The following TMEM161B variants were observed in gnomAD, a reference collection of about 807,000 sequenced individuals.
TMEM161B encodes transmembrane protein 161B.
A neutral mutation model predicts 61.8 loss-of-function variants in TMEM161B; 34 were observed. The observed-to-expected ratio is 0.55, with a 90% confidence interval of 0.42 to 0.73. TMEM161B has a LOEUF of 0.73. Ranked by LOEUF, TMEM161B falls within the 30% of genes least tolerant of loss-of-function variation. The pLI is 0.00. For synonymous variants in TMEM161B, 167 were observed against 192.8 expected (o/e 0.87, Z 1.11); for missense variants, 456 against 558.5 (o/e 0.82, Z 1.85).
chr5:88,192,014 A>ATATATATATG (rs1561287431), downstream of TMEM161B, among the ~76,000 whole-genome samples: 1 of 93,788 alleles, frequency 1.1e-5, no homozygotes, highest in African/African-American at 4.5e-5. Flanking sequence ...ATATATATAT[A>ATATATATATG]TATATATATA....
chr5:88,225,526 A>T (rs1229060021), intron 4 of TMEM161B, among the ~76,000 whole-genome samples: 1 of 152,202 alleles, frequency 6.6e-6, no homozygotes, highest in Non-Finnish European at 1.5e-5. Flanking sequence ...CTGTGACCTC[A>T]ATCTAATAAA....
At chr5:88,254,038 C>T (rs1018315614) in intron 1 of TMEM161B, among the ~76,000 whole-genome samples, 8 of 151,648 alleles carry the variant, frequency 5.3e-5, no homozygotes, top group African/African-American at 1.7e-4. Context: ...AATGTACATG[C>T]TTGAAGCAAA....
chr5:88,266,034 T>C (rs573285640), intron 1 of TMEM161B, among the ~76,000 whole-genome samples: 66 of 152,376 alleles, frequency 4.3e-4, no homozygotes, highest in Middle Eastern at 3.4e-3. Flanking sequence ...ATTCCATTAG[T>C]AAATTTCCTA....
At chr5:88,261,730 C>CAAAAAAAAAA (rs70996464) in intron 1 of TMEM161B, among the ~76,000 whole-genome samples, 3 of 49,290 alleles carry the variant, frequency 6.1e-5, no homozygotes, top group East Asian at 7.5e-4. Flanking sequence ...CATTCATGTG[C>CAAAAAAAAAA]AAAAAAAAAA....
intron 4 of TMEM161B, among the ~76,000 whole-genome samples, chr5:88,222,685 A>G (rs1345319065): frequency 6.6e-6 from 1 of 152,180 alleles, no homozygotes; most frequent in African/African-American, 2.4e-5. Flanking sequence ...CAAAAGTTCT[A>G]ATGTTCTTTA....
At chr5:88,233,744 T>G (rs2112612914) in intron 2 of TMEM161B, among the ~76,000 whole-genome samples, 1 of 152,202 alleles carries the variant, frequency 6.6e-6, no homozygotes, top group East Asian at 1.9e-4. Context: ...TGATGGTACC[T>G]TTTCTGATAT....
At chr5:88,216,316 T>C (rs530849004) in intron 5 of TMEM161B, among the ~76,000 whole-genome samples, 1 of 152,192 alleles carries the variant, frequency 6.6e-6, no homozygotes, top group Non-Finnish European at 1.5e-5. Flanking sequence ...AAAAGTAACA[T>C]GACATATAAT....
intron 1 of TMEM161B, among the ~76,000 whole-genome samples, chr5:88,262,200 T>C (rs1755775686): frequency 6.6e-6 from 1 of 152,016 alleles, no homozygotes; most frequent in Non-Finnish European, 1.5e-5. Context: ...AAAATACAAA[T>C]TAAAATAAGG....
At chr5:88,223,711 C>T (rs1749439036) in intron 4 of TMEM161B, among the ~76,000 whole-genome samples, 1 of 152,014 alleles carries the variant, frequency 6.6e-6, no homozygotes, top group Non-Finnish European at 1.5e-5. Context: ...CACGGTGAAA[C>T]CCCGTCTCCA....
downstream of TMEM161B, among the ~76,000 whole-genome samples, chr5:88,189,012 C>T (rs1204295303): frequency 6.6e-6 from 1 of 151,292 alleles, no homozygotes; most frequent in Non-Finnish European, 1.5e-5. Context: ...AGCGGGAGTT[C>T]TCACTCTCAT....
In TMEM161B at chr5:88,203,060, G is replaced by C. The variant is rs780942559; in HGVS notation, c.816C>G (p.Ile272Met). The C allele has an allele frequency of 1.3e-6, 2 of 1,595,644 alleles. No individual in the cohort carries two copies. Among genetic ancestry groups the C allele is most frequent in the African/African-American group, 2.7e-5 (2 of 74,720 alleles). Residue 272 changes from isoleucine to methionine, a missense_variant, in exon 9 of 12, where the codon ATC becomes ATG. Coordinates refer to ENST00000296595, the MANE Select transcript of TMEM161B (RefSeq NM_153354.5). ...CCATAAATAAAGGTGCCAAGAAGTTGATATGAAGTAAAGTTCTGAAAGTAC... is the reference window on the plus strand; with the variant it reads ...CCATAAATAAAGGTGCCAAGAAGTTCATATGAAGTAAAGTTCTGAAAGTAC... ...TEKITQTLLH[I>M]NFLAPLFMVL... is the part of the protein sequence containing the mutation.
At chr5:88,255,516 G>T (rs1162213931) in intron 1 of TMEM161B, among the ~76,000 whole-genome samples, 1 of 152,126 alleles carries the variant, frequency 6.6e-6, no homozygotes, top group Non-Finnish European at 1.5e-5. Context: ...CTATGAAATT[G>T]CTAATACTTA....
intron 1 of TMEM161B, among the ~76,000 whole-genome samples, chr5:88,252,656 G>A (rs1754480815): frequency 6.6e-6 from 1 of 152,112 alleles, no homozygotes; most frequent in Non-Finnish European, 1.5e-5. Flanking sequence ...ACCACTGACG[G>A]GAAAAGGTGT....
chr5:88,234,893 T>C (rs1051759054), intron 2 of TMEM161B, among the ~76,000 whole-genome samples: 1 of 152,106 alleles, frequency 6.6e-6, no homozygotes, highest in African/African-American at 2.4e-5. Context: ...AGCAAGATCC[T>C]GTCTCTAAGA....
chr5:88,256,508 A>C (rs1371831723), intron 1 of TMEM161B, among the ~76,000 whole-genome samples: 1 of 152,258 alleles, frequency 6.6e-6, no homozygotes, highest in African/African-American at 2.4e-5. Context: ...TGACATGTAC[A>C]AATCAGTTTG....
chr5:88,239,724 A>G (rs2112649124), intron 2 of TMEM161B, among the ~76,000 whole-genome samples: 1 of 152,014 alleles, frequency 6.6e-6, no homozygotes, highest in East Asian at 1.9e-4. Flanking sequence ...ATCAATATGG[A>G]AAAAGTAGAA....
At chr5:88,236,964 A>G (rs1751957067) in intron 2 of TMEM161B, among the ~76,000 whole-genome samples, 1 of 152,196 alleles carries the variant, frequency 6.6e-6, no homozygotes, top group South Asian at 2.1e-4. Context: ...AACCAAATTT[A>G]AAACTCTATT....
chr5:88,241,164 T>C (rs1011321231), intron 1 of TMEM161B, among the ~76,000 whole-genome samples: 2 of 151,820 alleles, frequency 1.3e-5, no homozygotes, highest in African/African-American at 4.8e-5. Flanking sequence ...AGTATAACTA[T>C]TAACATAGCA....
chr5:88,233,530 T>C (rs932842288), intron 2 of TMEM161B, among the ~76,000 whole-genome samples: 1 of 152,146 alleles, frequency 6.6e-6, no homozygotes, highest in Non-Finnish European at 1.5e-5. Context: ...TAGGTCATAG[T>C]ATGGACTTCA....
Sources: gnomAD v4.1 joint callset for allele counts (sites outside exome capture counted in the v4.1 genomes callset) on GRCh38, gnomAD v4.1.1 for gene constraint, MANE v1.5 for transcripts, NCBI Gene and HGNC (gene_info 2026-07-23, HGNC 2026-07-21) for gene names.